NEGR1: variants seen among roughly 807,000 people sequenced by gnomAD.
The protein encoded by NEGR1 is IgLON family member 4.
In NEGR1, 10 loss-of-function variants were observed where a neutral mutation model predicts 40.9. That is an observed-to-expected ratio of 0.24 (90% CI 0.15 to 0.42). NEGR1 has a LOEUF of 0.42. Ranked by LOEUF, NEGR1 falls within the 10% of genes least tolerant of loss-of-function variation. The pLI is 1.00. For synonymous variants in NEGR1, 185 were observed against 166.8 expected, an observed-to-expected ratio of 1.11 and a Z score of -0.84; for missense variants, 352 against 438.9, an observed-to-expected ratio of 0.80 and a Z score of 1.77.
chr1:71,747,617 G>A (rs969043685), intron 3 of NEGR1, among the ~76,000 whole-genome samples: 1 of 151,874 alleles, frequency 6.6e-6, no homozygotes, highest in African/African-American at 2.4e-5. Flanking sequence ...TAGAGATGGG[G>A]TTTCACCATG....
chr1:72,213,301 G>A (rs1653678602), intron 1 of NEGR1, among the ~76,000 whole-genome samples: 3 of 151,856 alleles, frequency 2.0e-5, no homozygotes. Context: ...GTTGATTTTT[G>A]TAAAACTTTT....
intron 1 of NEGR1, among the ~76,000 whole-genome samples, chr1:71,976,329 T>C (rs1646303510): frequency 6.6e-6 from 1 of 152,200 alleles, no homozygotes; most frequent in Admixed American, 6.5e-5. Context: ...GCTTATGCAA[T>C]ATGTACGTGA....
intron 1 of NEGR1, among the ~76,000 whole-genome samples, chr1:71,942,600 C>A (rs1185440911): frequency 7.9e-6 from 1 of 125,944 alleles, no homozygotes; most frequent in African/African-American, 2.9e-5. Context: ...CTCCCGGGTT[C>A]ACGCCATTCT....
intron 1 of NEGR1, among the ~76,000 whole-genome samples, chr1:72,251,804 T>G (rs952392966): frequency 6.6e-6 from 1 of 152,162 alleles, no homozygotes; most frequent in African/African-American, 2.4e-5. Flanking sequence ...CATTATACCT[T>G]TATAATAAAA....
intron 4 of NEGR1, among the ~76,000 whole-genome samples, chr1:71,671,307 G>T (rs890234900): frequency 1.2e-4 from 19 of 152,072 alleles, no homozygotes; most frequent in African/African-American, 4.6e-4. Flanking sequence ...GAAGACCAAA[G>T]AGGAAGAAAA....
intron 1 of NEGR1, among the ~76,000 whole-genome samples, chr1:72,002,181 T>C (rs1034655258): frequency 6.6e-6 from 1 of 152,108 alleles, no homozygotes; most frequent in Non-Finnish European, 1.5e-5. Flanking sequence ...TTAAACTCAT[T>C]TCCTTCCTGC....
At chr1:71,772,795 T>C (rs1217724738) in intron 3 of NEGR1, among the ~76,000 whole-genome samples, 1 of 152,150 alleles carries the variant, frequency 6.6e-6, no homozygotes, top group Non-Finnish European at 1.5e-5. Context: ...GAAATATATA[T>C]ATGTATATAC....
intron 4 of NEGR1, among the ~76,000 whole-genome samples, chr1:71,693,637 C>A (rs1653371263): frequency 6.6e-6 from 1 of 151,496 alleles, no homozygotes; most frequent in East Asian, 1.9e-4. Flanking sequence ...AAGTACCTCA[C>A]CCAAGGTTTC....
intron 1 of NEGR1, among the ~76,000 whole-genome samples, chr1:72,201,314 T>A: frequency 6.6e-6 from 1 of 150,816 alleles, no homozygotes; most frequent in East Asian, 1.9e-4. Flanking sequence ...TTTTTATATT[T>A]TATTTTATTT....
chr1:72,261,281 G>A (rs953529683), intron 1 of NEGR1, among the ~76,000 whole-genome samples: 1 of 152,006 alleles, frequency 6.6e-6, no homozygotes, highest in African/African-American at 2.4e-5. Context: ...GACCAACAGT[G>A]TGGTTTTAAC....
intron 4 of NEGR1, among the ~76,000 whole-genome samples, chr1:71,632,674 T>C (rs1651014371): frequency 6.6e-6 from 1 of 151,924 alleles, no homozygotes; most frequent in Admixed American, 6.6e-5. Context: ...AGATAAAGTT[T>C]ATTTCTTAAT....
At chr1:72,160,533 G>A (rs1285383332) in intron 1 of NEGR1, among the ~76,000 whole-genome samples, 2 of 152,044 alleles carry the variant, frequency 1.3e-5, no homozygotes, top group East Asian at 3.8e-4. Context: ...AAAGACCAAA[G>A]GAGCAGCAGA....
intron 1 of NEGR1, among the ~76,000 whole-genome samples, chr1:72,018,448 G>A (rs1019281677): frequency 1.6e-4 from 24 of 152,056 alleles, no homozygotes; most frequent in African/African-American, 2.9e-4. Flanking sequence ...TGAATTTGTC[G>A]AAAAATATAT....
chr1:72,143,914 A>ATATATT (rs1491498187), intron 1 of NEGR1, among the ~76,000 whole-genome samples: 64 of 130,602 alleles, frequency 4.9e-4, no homozygotes, highest in Non-Finnish European at 8.4e-4. Flanking sequence ...TGATATATAT[A>ATATATT]ATATATATAT....
At chr1:71,968,825 C>T (rs184843659) in intron 1 of NEGR1, among the ~76,000 whole-genome samples, 207 of 152,044 alleles carry the variant, frequency 1.4e-3, no homozygotes, top group Middle Eastern at 6.8e-3. Flanking sequence ...TGATAAGAGG[C>T]CTTGGTTTTA....
At chr1:71,919,176 T>G (rs1422469091) in intron 2 of NEGR1, among the ~76,000 whole-genome samples, 1 of 152,220 alleles carries the variant, frequency 6.6e-6, no homozygotes, top group African/African-American at 2.4e-5. Flanking sequence ...AGCTGGATTC[T>G]CTTTCTCAAG....
At chr1:72,031,531 T>G (rs766366714) in intron 1 of NEGR1, among the ~76,000 whole-genome samples, 3 of 152,188 alleles carry the variant, frequency 2.0e-5, no homozygotes, top group Non-Finnish European at 4.4e-5. Flanking sequence ...AAAAAATACA[T>G]GCTTGCTATT....
At chr1:71,855,119 G>A (rs989512276) in intron 2 of NEGR1, among the ~76,000 whole-genome samples, 1 of 152,026 alleles carries the variant, frequency 6.6e-6, no homozygotes, top group African/African-American at 2.4e-5. Flanking sequence ...ATCACGTTTA[G>A]GCATGTAGAA....
chr1:72,198,046 G>A (rs1395028372), intron 1 of NEGR1, among the ~76,000 whole-genome samples: 4 of 152,020 alleles, frequency 2.6e-5, no homozygotes, highest in African/African-American at 9.7e-5. Flanking sequence ...TCTCCTGGTT[G>A]CTGAAAGATC....
Sources: allele counts gnomAD v4.1 joint callset (sites outside exome capture counted in the v4.1 genomes callset), GRCh38; gene constraint gnomAD v4.1.1; transcripts MANE v1.5; gene names NCBI Gene and HGNC (gene_info 2026-07-23, HGNC 2026-07-21).